The following LSM14B variants were observed in gnomAD, a reference collection of about 807,000 sequenced individuals.
LSM14B encodes the protein LSM family member 14B, also known as protein LSM14 homolog B.
Under a neutral mutation model 42.1 loss-of-function variants are expected in LSM14B, and 8 were observed. The ratio of observed to expected loss-of-function variants is 0.19; its 90% CI spans 0.11 to 0.34. The LOEUF is 0.34. Ranked by LOEUF, LSM14B falls within the 10% of genes least tolerant of loss-of-function variation. LSM14B has a pLI of 1.00. For synonymous variants in LSM14B, 219 were observed against 209.7 expected (o/e 1.04, Z -0.38); for missense variants, 396 against 513.1 (o/e 0.77, Z 2.21).
intron 8 of LSM14B, among the ~76,000 whole-genome samples, 174 bp from the exon 9 acceptor site, chr20:62,133,989 C>G (rs954773059): frequency 2.6e-5 from 4 of 152,240 alleles, no homozygotes; most frequent in Non-Finnish European, 4.4e-5. Flanking sequence ...CTAGCTGCGT[C>G]CCTGTCCCCA....
In LSM14B at chr20:62,131,453, C is replaced by T; in HGVS notation, c.933C>T (p.Tyr311=). ...AAGACCTTCTGGGGCCCAACTGCTACTATGACAAATCCAAGTCGTTCTTCG... is the reference window on the plus strand; with the variant it reads ...AAGACCTTCTGGGGCCCAACTGCTATTATGACAAATCCAAGTCGTTCTTCG... ...AEEDLLGPNC[Y]YDKSKSFFDN... is the part of the protein sequence containing the mutation. Residue 311 remains tyrosine (Y), a synonymous_variant, in exon 7 of 9, where the codon TAC becomes TAT. Coordinates refer to ENST00000279068, the MANE Select transcript of LSM14B (RefSeq NM_144703.3). 6.2e-7 allele frequency: 1 copy of T among 1,613,974 alleles called. No individual in the cohort carries two copies. The highest frequency in any genetic ancestry group is 8.5e-7 in the Non-Finnish European group (1 of 1,179,888).
chr20:62,128,323 G>T (rs1340299821), intron 3 of LSM14B, among the ~76,000 whole-genome samples: 1 of 152,186 alleles, frequency 6.6e-6, no homozygotes, highest in Non-Finnish European at 1.5e-5. Flanking sequence ...CTGTATGTTT[G>T]TGTTACACAT....
chr20:62,128,764 G>C (rs189815877), intron 3 of LSM14B, among the ~76,000 whole-genome samples: 14 of 152,282 alleles, frequency 9.2e-5, no homozygotes, highest in Admixed American at 8.5e-4. Context: ...ATGCAGAGTC[G>C]TTCCAACCTG....
Position 62,129,864 on chromosome 20 carries a change from G to A in LSM14B, c.507G>A (p.Leu169=). 4 of 1,612,910 alleles carry A rather than the reference G, an allele frequency of 2.5e-6. No homozygotes were observed. Among genetic ancestry groups the A allele is most frequent in the Non-Finnish European group, 3.4e-6 (4 of 1,179,510 alleles). Residue 169 remains leucine (L), a synonymous_variant, in exon 4 of 9, where the codon CTG becomes CTA. Transcript: ENST00000279068. ...TGCAGACTGGTTCTGCTGACAACCT[G>A]AATGCTAAAAAGCTGTTACCTGGCA... ...QAVQTGSADN[L]NAKKLLPGKG...
chr20:62,125,830 T>G (rs2056579814), intron 2 of LSM14B, among the ~76,000 whole-genome samples: 1 of 152,058 alleles, frequency 6.6e-6, no homozygotes, highest in Non-Finnish European at 1.5e-5. Context: ...GAGGCCGAGG[T>G]GGGCAGATCA....
At chr20:62,126,177 C>T (rs1330092419) in intron 2 of LSM14B, 127 bp from the exon 3 acceptor site, 2 of 1,422,730 alleles carry the variant, frequency 1.4e-6, no homozygotes, top group Non-Finnish European at 1.9e-6. Flanking sequence ...CCAAGGGCTC[C>T]TCCAGCATCT....
Position 62,130,450 on chromosome 20 carries a change from G to A in LSM14B, c.674-80G>A. On this transcript the variant is annotated intron_variant, in intron 5 of 8. Coordinates refer to ENST00000279068, the MANE Select transcript of LSM14B (RefSeq NM_144703.3). This position sits in a 1 kb window ranked among gnomAD's most constrained non-coding sequence, Gnocchi z 4.1. ...GTTCCTTCTGTGGCCTTGGGGGTGTGCCTGGAAATTCCTTGTGAGGTGTTT... is the reference window on the plus strand; with the variant it reads ...GTTCCTTCTGTGGCCTTGGGGGTGTACCTGGAAATTCCTTGTGAGGTGTTT... 6.4e-7 allele frequency: 1 copy of A among 1,563,090 alleles called. No individual in the cohort carries two copies. Among genetic ancestry groups the A allele is most frequent in the Non-Finnish European group, 8.7e-7 (1 of 1,151,224 alleles).
chr20:62,134,057 T>G, intron 8 of LSM14B, 106 bp from the exon 9 acceptor site: 1 of 364,472 alleles, frequency 2.7e-6, no homozygotes, highest in Non-Finnish European at 5.5e-6. Flanking sequence ...GGGTAGCCAG[T>G]CTGACTCTGG....
Position 62,135,235 on chromosome 20 carries a change from T to G in LSM14B, c.*1087T>G, listed in dbSNP as rs1013545764. 20 of 152,188 alleles carry G rather than the reference T, an allele frequency of 1.3e-4. No individual in the cohort carries two copies. The highest frequency in any genetic ancestry group is 4.4e-5 in the Non-Finnish European group (3 of 68,040). 9.4% of individuals were successfully genotyped at this position (152,188 alleles called of 1,614,324 possible). On this transcript the variant is annotated 3_prime_UTR_variant, in exon 9 of 9. Transcript: ENST00000279068. ...CCTCTAATAGCTATAAAGGCTTTAG[T>G]TCTGTATTGATTAAGTTACTGTAAA...
At chr20:62,127,790 A>G (rs1484522718) in intron 3 of LSM14B, 1 of 978,044 alleles carries the variant, frequency 1.0e-6, no homozygotes, top group South Asian at 1.4e-5. Context: ...CAGTAGCTGT[A>G]GCAGATCATT....
chr20:62,126,325 G>A lies in LSM14B; in HGVS notation c.313G>A (p.Ala105Thr), dbSNP rs757521677. ...TCAGTCTTCCCTGGGTTCTGCCTCC[G>A]CCTCGCCCTTCCAGCCGCACGTGCC... The part of the protein sequence containing the change: ...IVQSSLGSAS[A>T]SPFQPHVPYS... The change falls in exon 3 of 9, where the codon GCC (alanine) becomes ACC (threonine). Residue 105 changes from alanine to threonine, a missense_variant. Transcript: ENST00000279068. 8 of 1,613,860 alleles carry A rather than the reference G, an allele frequency of 5.0e-6. No homozygotes were observed. Among genetic ancestry groups the A allele is most frequent in the Middle Eastern group, 3.4e-4 (2 of 5,924 alleles).
intron 3 of LSM14B, among the ~76,000 whole-genome samples, chr20:62,129,507 G>A (rs930126821): frequency 1.3e-5 from 2 of 152,122 alleles, no homozygotes; most frequent in African/African-American, 4.8e-5. Context: ...TCCTGTCCTT[G>A]AGGTTCCCTA....
intron 8 of LSM14B, among the ~76,000 whole-genome samples, chr20:62,133,956 T>C (rs888313122): frequency 3.3e-5 from 5 of 152,208 alleles, no homozygotes; most frequent in East Asian, 3.8e-4. Flanking sequence ...AGGTGGGCCC[T>C]GGAAAGACTA....
intron 1 of LSM14B, among the ~76,000 whole-genome samples, 189 bp from the exon 2 acceptor site, chr20:62,124,428 A>G (rs1169780573): frequency 2.0e-5 from 3 of 152,236 alleles, no homozygotes; most frequent in Non-Finnish European, 2.9e-5. Context: ...AGCTTCACCA[A>G]TTGGTGCATT....
chr20:62,130,857 AAC>A lies in LSM14B; in HGVS notation c.835+170_835+171del, dbSNP rs1234094429. Among the ~76,000 whole-genome samples the A allele has an allele frequency of 6.6e-6, 1 of 152,164 alleles. No individual in the cohort carries two copies. The highest frequency in any genetic ancestry group is 1.5e-5 in the Non-Finnish European group (1 of 68,020). On this transcript the variant is annotated intron_variant, in intron 6 of 8. Transcript: ENST00000279068. The surrounding 1 kb of genome is among the most constrained non-coding windows in gnomAD (Gnocchi z 4.1). ...TCAGGAGTTCAACACCAGCCTGGCC[AAC>A]ACAATGAAACCCCATCTGTACTAAA...
At position 62,130,316 on chromosome 20, in the gene LSM14B, G is replaced by T. The variant is rs1428745249; in HGVS notation, c.673+20G>T. 6.4e-7 allele frequency: 1 copy of T among 1,574,774 alleles called. No individual in the cohort carries two copies. Among genetic ancestry groups the T allele is most frequent in the South Asian group, 1.2e-5 (1 of 85,796 alleles). On this transcript the variant is annotated intron_variant, in intron 5 of 8. Transcript: ENST00000279068. This position sits in a 1 kb window ranked among gnomAD's most constrained non-coding sequence, Gnocchi z 4.1. ...GATCAGGTAACACCTGTTGCCACTTGATTTCTGGGGACCACGAGTGATCAG... is the reference window on the plus strand; with the variant it reads ...GATCAGGTAACACCTGTTGCCACTTTATTTCTGGGGACCACGAGTGATCAG...
At position 62,125,013 on chromosome 20, in the gene LSM14B, T is replaced by A. The variant is rs143570156; in HGVS notation, c.291+233T>A. 8.0e-3 allele frequency among the ~76,000 whole-genome samples: 1,224 copies of A among 152,240 alleles called. 32 individuals are homozygous for A. The highest frequency in any genetic ancestry group is 0.028 in the African/African-American group (1,165 of 41,526). On this transcript the variant is annotated intron_variant, in intron 2 of 8. Coordinates refer to ENST00000279068, the MANE Select transcript of LSM14B (RefSeq NM_144703.3). Reference sequence around the variant, plus strand: ...CTCCTGCCTCAGCCTCCCGAGTAGCTGGGACTACAGGGACGCACCACCATG... The same window carrying A: ...CTCCTGCCTCAGCCTCCCGAGTAGCAGGGACTACAGGGACGCACCACCATG...
At chr20:62,125,507 G>A (rs1327896421) in intron 2 of LSM14B, among the ~76,000 whole-genome samples, 2 of 152,258 alleles carry the variant, frequency 1.3e-5, no homozygotes, top group African/African-American at 4.8e-5. Context: ...ACGCCCAGTC[G>A]TTACATGCTG....
intron 3 of LSM14B, chr20:62,127,686 C>G: frequency 3.2e-6 from 5 of 1,550,238 alleles, no homozygotes; most frequent in Non-Finnish European, 4.4e-6. Flanking sequence ...AGAGCCACAG[C>G]AGCTCACTGC....
Sources: gnomAD v4.1 joint callset for allele counts (sites outside exome capture counted in the v4.1 genomes callset) on GRCh38, gnomAD v4.1.1 for gene constraint, Gnocchi (gnomAD v3.1) non-coding constraint, MANE v1.5 for transcripts, NCBI Gene and HGNC (gene_info 2026-07-23, HGNC 2026-07-21) for gene names.